ZNF106: variants seen among roughly 807,000 people sequenced by gnomAD.
ZNF106 encodes the protein zinc finger protein 106.
A neutral mutation model predicts 195.1 loss-of-function variants in ZNF106; 67 were observed. That is an observed-to-expected ratio of 0.34 (90% CI 0.28 to 0.42). The LOEUF is 0.42. Among genes scored for constraint, ZNF106 ranks in the 10% least tolerant of loss-of-function variants. ZNF106 has a pLI of 1.00. For missense variants in ZNF106, 2,118 were observed against 2,304.5 expected (o/e 0.92, Z 1.66); for synonymous variants, 784 against 818.6 (o/e 0.96, Z 0.72).
At chr15:42,426,967 T>G (rs2054883633) in intron 15 of ZNF106, among the ~76,000 whole-genome samples, 1 of 152,208 alleles carries the variant, frequency 6.6e-6, no homozygotes. Context: ...TTAAGTTTCC[T>G]GTAGGCAGAA....
At chr15:42,460,522 G>A (rs2056363281) in intron 3 of ZNF106, among the ~76,000 whole-genome samples, 1 of 152,150 alleles carries the variant, frequency 6.6e-6, no homozygotes, top group South Asian at 2.1e-4. Context: ...ATTTGACAGA[G>A]AACAAATCAG....
In ZNF106 at chr15:42,448,708, T is replaced by A. The variant is rs2055866464; in HGVS notation, c.2502-3A>T. 1.9e-6 allele frequency: 3 copies of A among 1,575,786 alleles called. No homozygotes were observed. In the Middle Eastern group the frequency reaches 5.1e-4, roughly 270 times the overall value. On this transcript the variant is annotated splice_polypyrimidine_tract_variant and splice_region_variant and intron_variant, in intron 5 of 21. Coordinates refer to ENST00000564754, the MANE Select transcript of ZNF106 (RefSeq NM_001366845.3). ...GGGGTACCATTTCTATGCCAAACCT[T>A]AAGGAAGAAAGAAAAAATGAAAACA...
At chr15:42,427,981 G>A (rs778875310) in intron 15 of ZNF106, 37 bp downstream of exon 15, 2 of 1,546,294 alleles carry the variant, frequency 1.3e-6, no homozygotes, top group Non-Finnish European at 1.8e-6. Flanking sequence ...GTTTTCAAGT[G>A]CATGGGAAGT....
chr15:42,467,618 T>C, intron 2 of ZNF106, among the ~76,000 whole-genome samples: 1 of 151,222 alleles, frequency 6.6e-6, no homozygotes, highest in Non-Finnish European at 1.5e-5. Context: ...TGAAACCCCA[T>C]CTCTACTAAA....
chr15:42,445,075 A>G, intron 7 of ZNF106, 94 bp from the exon 8 acceptor site: 1 of 1,430,864 alleles, frequency 7.0e-7, no homozygotes, highest in Non-Finnish European at 9.5e-7. Context: ...TATTTAGGAT[A>G]AGACTTTATG....
chr15:42,426,432 C>G (rs1434418779), intron 15 of ZNF106, among the ~76,000 whole-genome samples: 1 of 151,838 alleles, frequency 6.6e-6, no homozygotes, highest in Non-Finnish European at 1.5e-5. Context: ...CAGGGTCTCA[C>G]TCTGTCAGCC....
Position 42,416,595 on chromosome 15 carries a change from C to T in ZNF106, c.*709G>A, listed in dbSNP as rs1001534438. On this transcript the variant is annotated 3_prime_UTR_variant, in exon 22 of 22. Coordinates refer to ENST00000564754, the MANE Select transcript of ZNF106 (RefSeq NM_001366845.3). ...GGTCTACGCACTGCCTCACACTGAG[C>T]TTTCTATCCACATTTACAGAGATTT... The T allele has an allele frequency of 3.3e-5, 5 of 152,264 alleles. No homozygotes were observed. Among genetic ancestry groups the T allele is most frequent in the Admixed American group, 3.3e-4 (5 of 15,286 alleles). 9.4% of individuals were successfully genotyped at this position (152,264 alleles called of 1,614,324 possible).
chr15:42,418,031 A>G (rs1412779462), intron 20 of ZNF106, 80 bp from the exon 21 acceptor site: 5 of 1,406,356 alleles, frequency 3.6e-6, no homozygotes, highest in East Asian at 5.1e-5. Flanking sequence ...GCTGGATCCC[A>G]TAAGCACTAT....
At chr15:42,444,500 C>T (rs1220811996) in intron 8 of ZNF106, among the ~76,000 whole-genome samples, 1 of 152,164 alleles carries the variant, frequency 6.6e-6, no homozygotes, top group Non-Finnish European at 1.5e-5. Context: ...TGGCCCTGGC[C>T]CTGAGCCAAA....
rs1003753119 is a variant in ZNF106, at chr15:42,414,065, G to A, written c.*3239C>T. 6.6e-6 allele frequency: 1 copy of A among 152,150 alleles called. No individual in the cohort carries two copies. Among genetic ancestry groups the A allele is most frequent in the African/African-American group, 2.4e-5 (1 of 41,446 alleles). 9.4% of individuals were successfully genotyped at this position (152,150 alleles called of 1,614,324 possible). A position where few individuals can be genotyped will look rare whatever the true frequency, so the allele number is the denominator to read the frequency against. Reference sequence around the variant, plus strand: ...CCATTAGAATTAGACAAAAGCAACCGAGAGTAACATTCTAAAAGTGGCTTC... The same window carrying A: ...CCATTAGAATTAGACAAAAGCAACCAAGAGTAACATTCTAAAAGTGGCTTC... On this transcript the variant is annotated 3_prime_UTR_variant, in exon 22 of 22. Coordinates refer to ENST00000564754, the MANE Select transcript of ZNF106 (RefSeq NM_001366845.3).
chr15:42,433,257 C>T (rs2055125488), intron 14 of ZNF106, among the ~76,000 whole-genome samples: 1 of 151,880 alleles, frequency 6.6e-6, no homozygotes, highest in East Asian at 1.9e-4. Context: ...AGGCGCCTGC[C>T]ACCACGCCTG....
Position 42,433,484 on chromosome 15 carries a change from TTC to T in ZNF106, c.4881+1898_4881+1899del, listed in dbSNP as rs1491029855. 4.5e-4 allele frequency among the ~76,000 whole-genome samples: 59 copies of T among 131,730 alleles called. 1 individual carries two copies. The highest frequency in any genetic ancestry group is 1.4e-3 in the African/African-American group (42 of 29,008). 86.4% of individuals were successfully genotyped at this position (131,730 alleles called of 152,430 possible). ...ATTTCTTTGCATTGTTCTTTTTTTTTTCTTTTCTTTTTTTTTTGGACAGAGTC... is the reference window on the plus strand; with the variant it reads ...ATTTCTTTGCATTGTTCTTTTTTTTTTTTTCTTTTTTTTTTGGACAGAGTC... On this transcript the variant is annotated intron_variant, in intron 14 of 21. Coordinates refer to ENST00000564754, the MANE Select transcript of ZNF106 (RefSeq NM_001366845.3).
chr15:42,446,740 T>C (rs889813536), intron 6 of ZNF106, 82 bp from the exon 7 acceptor site: 49 of 1,210,704 alleles, frequency 4.0e-5, no homozygotes, highest in Non-Finnish European at 2.2e-5. Flanking sequence ...AATTCTAAGA[T>C]AGCCATACAC....
At position 42,424,965 on chromosome 15, in the gene ZNF106, T is replaced by C. The variant is rs755114003; in HGVS notation, c.5059A>G (p.Thr1687Ala). 22 of 1,614,078 alleles carry C rather than the reference T, an allele frequency of 1.4e-5. No homozygotes were observed. Among genetic ancestry groups the C allele is most frequent in the Non-Finnish European group, 1.7e-5 (20 of 1,180,046 alleles). ...HGPRAVSCLA[T>A]AQEGARKLLV... Reference sequence around the variant, plus strand: ...AGTTTTCGGGCACCTTCCTGAGCTGTAGCAAGACAGCTGACTGCCCGAGGG... The same window carrying C: ...AGTTTTCGGGCACCTTCCTGAGCTGCAGCAAGACAGCTGACTGCCCGAGGG... Residue 1687 changes from threonine (T) to alanine (A), a missense_variant, in exon 16 of 22, where the codon ACA becomes GCA. By Grantham distance (58) the Thr-to-Ala change is moderately conservative. Transcript: ENST00000564754.
chr15:42,441,831 C>G (rs752171903), intron 10 of ZNF106: 3 of 339,396 alleles, frequency 8.8e-6, no homozygotes, highest in Non-Finnish European at 1.6e-5. Flanking sequence ...CTTGTGGGTG[C>G]TAATACAAAG....
At position 42,439,439 on chromosome 15, in the gene ZNF106, T is replaced by C. The variant is rs766400842; in HGVS notation, c.4138A>G (p.Lys1380Glu). 5 of 1,613,418 alleles carry C rather than the reference T, an allele frequency of 3.1e-6. No homozygotes were observed. The Admixed American group carries it at 6.7e-5, about 22-fold the overall frequency. The change falls in exon 11 of 22, where the codon AAG becomes GAG. Residue 1380 changes from lysine (K) to glutamate (E), a missense_variant. Physicochemically the swap from Lys to Glu is moderately conservative, Grantham distance 56. Transcript: ENST00000564754. ...RGSKKKKKLR[K>E]KKSLRAAHVP... ...TGGGCAGCCCGTAGACTTTTCTTCT[T>C]CCGGAGTTTCTTCTTTTTCTTGCTT...
chr15:42,456,837 C>T (rs1169361111), intron 4 of ZNF106, 121 bp downstream of exon 4: 1 of 913,582 alleles, frequency 1.1e-6, no homozygotes, highest in South Asian at 1.8e-5. Context: ...AAGACAACAA[C>T]CTCAAGCTAA....
At position 42,439,246 on chromosome 15, in the gene ZNF106, G is replaced by A. The variant is rs774995710; in HGVS notation, c.4331C>T (p.Ser1444Leu). 6.8e-6 allele frequency: 11 copies of A among 1,613,994 alleles called. No individual in the cohort carries two copies. The highest frequency in any genetic ancestry group is 3.3e-5 in the Admixed American group (2 of 59,982). ...ESVRDEPDSDSSLEVLEIPNP... is the reference protein window; with the variant it reads ...ESVRDEPDSDLSLEVLEIPNP... ...AGGAATTTCTAGGACTTCCAGAGAC[G>A]AGTCACTATCTGGCTCATCTCTGAC... Residue 1444 changes from serine (S) to leucine (L), a missense_variant, in exon 11 of 22, where the codon TCG becomes TTG. Physicochemically the swap from Ser to Leu is moderately radical, Grantham distance 145. Transcript: ENST00000564754.
Position 42,414,872 on chromosome 15 carries a change from AG to A in ZNF106, c.*2431del, listed in dbSNP as rs2054392687. Reference sequence around the variant, plus strand: ...ATGACCATTCCCAAACCCACAGAACAGTTTGGCTTCTCTGGATATCCTTATA... The same window carrying A: ...ATGACCATTCCCAAACCCACAGAACATTTGGCTTCTCTGGATATCCTTATA... On this transcript the variant is annotated 3_prime_UTR_variant, in exon 22 of 22. Coordinates refer to ENST00000564754, the MANE Select transcript of ZNF106 (RefSeq NM_001366845.3). 1 of 152,228 alleles carries A rather than the reference AG, an allele frequency of 6.6e-6. No individual in the cohort carries two copies. Among genetic ancestry groups the A allele is most frequent in the African/African-American group, 2.4e-5 (1 of 41,450 alleles). 9.4% of individuals were successfully genotyped at this position (152,228 alleles called of 1,614,324 possible). A position where few individuals can be genotyped will look rare whatever the true frequency, so the allele number is the denominator to read the frequency against.
Sources: allele counts gnomAD v4.1 joint callset (sites outside exome capture counted in the v4.1 genomes callset), GRCh38; gene constraint gnomAD v4.1.1; transcripts MANE v1.5; gene names NCBI Gene and HGNC (gene_info 2026-07-23, HGNC 2026-07-21).